Variants in WDFY4 observed in about 807,000 individuals in gnomAD.
The protein encoded by WDFY4 is WD repeat- and FYVE domain-containing protein 4.
WDFY4 carries 169 observed loss-of-function variants against 351.9 expected under a neutral mutation model. The ratio of observed to expected loss-of-function variants is 0.48; its 90% confidence interval spans 0.42 to 0.55. The LOEUF is 0.55. Ranked by LOEUF, WDFY4 falls within the 20% of genes least tolerant of loss-of-function variation. WDFY4 has a pLI of 0.00. For missense variants in WDFY4, 3,803 were observed against 3,935.6 expected (o/e 0.97, Z 0.90); for synonymous variants, 1,622 against 1,574.6 (o/e 1.03, Z -0.71).
chr10:48,802,099 G>GTAT (rs2067106183), intron 24 of WDFY4, among the ~76,000 whole-genome samples: 1 of 151,846 alleles, frequency 6.6e-6, no homozygotes, highest in Non-Finnish European at 1.5e-5. Flanking sequence ...AATAGGCCGG[G>GTAT]TACGGTGGCT....
At chr10:48,771,642 G>A (rs2065869325) in intron 13 of WDFY4, among the ~76,000 whole-genome samples, 1 of 152,198 alleles carries the variant, frequency 6.6e-6, no homozygotes, top group Non-Finnish European at 1.5e-5. Context: ...AGGCTGCAGG[G>A]ACCACCCCAT....
rs149417441 is a variant in WDFY4 at position 48,844,170 on chromosome 10, C to G, written c.6663+11461C>G. Among the ~76,000 whole-genome samples the G allele has an allele frequency of 3.9e-5, 6 of 152,326 alleles. No homozygotes were observed. The East Asian group carries it at 1.2e-3, about 29-fold the overall frequency. On this transcript the variant is annotated intron_variant, in intron 39 of 61. Coordinates refer to ENST00000325239, the MANE Select transcript of WDFY4 (RefSeq NM_001394531.1). Reference sequence around the variant, plus strand: ...AAAAAAGTCTTTCAAAGTCTCAGAACAGGAAGTTCTGAAATTTTCTTCTCT... The same window carrying G: ...AAAAAAGTCTTTCAAAGTCTCAGAAGAGGAAGTTCTGAAATTTTCTTCTCT...
intron 47 of WDFY4, among the ~76,000 whole-genome samples, chr10:48,902,409 A>G (rs1239091983): frequency 6.6e-6 from 1 of 152,130 alleles, no homozygotes; most frequent in Non-Finnish European, 1.5e-5. Flanking sequence ...AGGGATCAGT[A>G]GGTGTTTTTA....
chr10:48,810,967 A>T (rs2067425802), intron 29 of WDFY4, among the ~76,000 whole-genome samples: 1 of 151,746 alleles, frequency 6.6e-6, no homozygotes, highest in African/African-American at 2.4e-5. Flanking sequence ...CATTCCTCCC[A>T]CCTGCTTAGC....
chr10:48,973,809 C>T (rs192883644), intron 57 of WDFY4, among the ~76,000 whole-genome samples: 2,413 of 152,346 alleles, frequency 0.016, 23 homozygotes, highest in Admixed American at 0.025. Context: ...TCTGGACACA[C>T]AGCCATCCAT....
chr10:48,803,563 G>C (rs1760797909), intron 25 of WDFY4, among the ~76,000 whole-genome samples: 1 of 152,164 alleles, frequency 6.6e-6, no homozygotes, highest in Non-Finnish European at 1.5e-5. Context: ...TGGGGGCTTA[G>C]AGGCCTCTCT....
intron 47 of WDFY4, among the ~76,000 whole-genome samples, chr10:48,933,583 G>A (rs1840164160): frequency 6.6e-6 from 1 of 152,178 alleles, no homozygotes; most frequent in Admixed American, 6.5e-5. Context: ...TCCAGGTCAA[G>A]CCCCATCCTT....
chr10:48,910,316 A>G (rs770828496), intron 47 of WDFY4: 54 of 1,509,000 alleles, frequency 3.6e-5, no homozygotes, highest in Non-Finnish European at 4.9e-5. Context: ...AGGCAAACAC[A>G]GCAAGGGCAG....
At chr10:48,816,528 A>C (rs754737649) in intron 31 of WDFY4, among the ~76,000 whole-genome samples, 2 of 152,170 alleles carry the variant, frequency 1.3e-5, no homozygotes, top group Non-Finnish European at 2.9e-5. Flanking sequence ...TTCATCTTCA[A>C]GAAATTTATT....
At chr10:48,978,212 C>T (rs1301961633) in intron 59 of WDFY4, 97 bp from the exon 60 acceptor site, 3 of 1,277,126 alleles carry the variant, frequency 2.3e-6, no homozygotes, top group Non-Finnish European at 3.2e-6. Flanking sequence ...CATCCTTTCC[C>T]TGGGGGACCC....
At chr10:48,720,197 C>G in intron 3 of WDFY4, 72 bp downstream of exon 3, 1 of 1,443,448 alleles carries the variant, frequency 6.9e-7, no homozygotes, top group Non-Finnish European at 9.4e-7. Context: ...CCAGGCCTCT[C>G]AGGCCCCCCT....
At chr10:48,928,629 C>T (rs1169343426) in intron 47 of WDFY4, among the ~76,000 whole-genome samples, 1 of 152,212 alleles carries the variant, frequency 6.6e-6, no homozygotes, top group African/African-American at 2.4e-5. Context: ...TCGTATCATG[C>T]TGGGGCATCT....
intron 28 of WDFY4, among the ~76,000 whole-genome samples, chr10:48,810,282 A>C (rs991709330): frequency 6.6e-6 from 1 of 152,252 alleles, no homozygotes. Flanking sequence ...ATGAATACAC[A>C]GTTTCCAATT....
At chr10:48,959,052 G>C (rs915273597) in intron 52 of WDFY4, among the ~76,000 whole-genome samples, 1 of 152,150 alleles carries the variant, frequency 6.6e-6, no homozygotes, top group Non-Finnish European at 1.5e-5. Context: ...CATTATGCCA[G>C]CCCTATGAGA....
At chr10:48,978,222 C>T (rs1166583932) in intron 59 of WDFY4, 87 bp from the exon 60 acceptor site, 5 of 1,375,804 alleles carry the variant, frequency 3.6e-6, no homozygotes, top group Non-Finnish European at 4.9e-6. Context: ...CTGGGGGACC[C>T]CTAGGCGTGA....
intron 1 of WDFY4, among the ~76,000 whole-genome samples, chr10:48,691,949 AC>A (rs1280223043): frequency 2.6e-5 from 4 of 152,144 alleles, no homozygotes; most frequent in Non-Finnish European, 5.9e-5. Flanking sequence ...AGGGTCGAGC[AC>A]CCCTGCAGCT....
chr10:48,707,535 C>T (rs190278445), intron 1 of WDFY4, among the ~76,000 whole-genome samples: 217 of 152,218 alleles, frequency 1.4e-3, no homozygotes, highest in African/African-American at 5.0e-3. Flanking sequence ...TCAGAGAAAG[C>T]CAACAAGTAA....
chr10:48,852,182 A>G (rs2068977530), intron 39 of WDFY4, among the ~76,000 whole-genome samples: 1 of 152,160 alleles, frequency 6.6e-6, no homozygotes, highest in Non-Finnish European at 1.5e-5. Context: ...TTTCCAGGGC[A>G]CAAAGGGCTC....
At chr10:48,724,237 G>A (rs144899617) in intron 5 of WDFY4, among the ~76,000 whole-genome samples, 12 of 152,234 alleles carry the variant, frequency 7.9e-5, no homozygotes, top group Admixed American at 2.0e-4. Context: ...TGTGGGGCCC[G>A]TCGCTGTGTG....
Sources: allele counts gnomAD v4.1 joint callset (sites outside exome capture counted in the v4.1 genomes callset), GRCh38; gene constraint gnomAD v4.1.1; transcripts MANE v1.5; gene names NCBI Gene and HGNC (gene_info 2026-07-23, HGNC 2026-07-21).